The following FRMD5 variants were observed in gnomAD, a reference collection of about 807,000 sequenced individuals.
The protein encoded by FRMD5 is FERM domain containing 5.
A neutral mutation model predicts 69.0 loss-of-function variants in FRMD5; 20 were observed. The observed-to-expected ratio is 0.29, with a 90% CI of 0.20 to 0.42. The LOEUF (loss-of-function observed/expected upper bound fraction) is 0.42, where lower values mean the gene tolerates loss of function less well. Among genes scored for constraint, FRMD5 ranks in the 10% least tolerant of loss-of-function variants. The pLI, the probability that FRMD5 is intolerant of heterozygous loss-of-function variation, is 1.00. For missense variants in FRMD5, 595 were observed against 708.6 expected (o/e 0.84, Z 1.82); for synonymous variants, 271 against 260.1 (o/e 1.04, Z -0.40).
intron 1 of FRMD5, among the ~76,000 whole-genome samples, chr15:44,168,706 C>T (rs967538382): frequency 5.9e-5 from 9 of 152,190 alleles, no homozygotes; most frequent in African/African-American, 1.9e-4. Flanking sequence ...TATTTAGGGG[C>T]TAGGACAATT....
At chr15:44,027,896 G>A (rs939658708) in intron 1 of FRMD5, among the ~76,000 whole-genome samples, 15 of 151,836 alleles carry the variant, frequency 9.9e-5, no homozygotes, top group Admixed American at 4.6e-4. Flanking sequence ...TGCCCTCCTC[G>A]GCCTCCCAAA....
At chr15:43,908,260 G>A (rs573843713) in intron 5 of FRMD5, among the ~76,000 whole-genome samples, 1 of 149,886 alleles carries the variant, frequency 6.7e-6, no homozygotes, top group South Asian at 2.1e-4. Context: ...CCCAGGAGGT[G>A]GAGGTTGCAG....
intron 1 of FRMD5, among the ~76,000 whole-genome samples, chr15:44,183,174 C>T (rs191234096): frequency 6.6e-6 from 1 of 152,096 alleles, no homozygotes; most frequent in Admixed American, 6.6e-5. Flanking sequence ...AGGGAGTCTA[C>T]CCTGGAACAA....
At chr15:44,180,111 CACAGATGTA>C (rs1415577667) in intron 1 of FRMD5, among the ~76,000 whole-genome samples, 19 of 150,136 alleles carry the variant, frequency 1.3e-4, no homozygotes, top group Admixed American at 5.3e-4. Flanking sequence ...TCTGCAGTCA[CACAGATGTA>C]AGTTCAAATC....
At chr15:44,120,400 C>T (rs2615295) in intron 1 of FRMD5, among the ~76,000 whole-genome samples, 125,801 of 151,920 alleles carry the variant, frequency 0.83, 54,727 homozygotes, top group Non-Finnish European at 0.95. Context: ...AAGATAGAAC[C>T]GACAAAACAT....
intron 1 of FRMD5, among the ~76,000 whole-genome samples, chr15:44,177,695 A>T (rs1793340516): frequency 6.6e-6 from 1 of 152,228 alleles, no homozygotes; most frequent in Non-Finnish European, 1.5e-5. Flanking sequence ...TACACCTTAA[A>T]CAGATGAACT....
rs550499946 is a variant in FRMD5 at position 43,924,838 on chromosome 15, A to G, written c.103-529T>C. The stretch of plus-strand genomic sequence containing the variant: ...CCGCACAGCAATGAGGGTGTCCACA[A>G]TTTAGACATCATCTCTTTCTTGCTG... On this transcript the variant is annotated intron_variant, in intron 1 of 13. Coordinates refer to ENST00000417257, the MANE Select transcript of FRMD5 (RefSeq NM_032892.5). Among the ~76,000 whole-genome samples the G allele has an allele frequency of 4.6e-5, 7 of 152,226 alleles. No homozygotes were observed. The East Asian group carries it at 1.4e-3, about 29-fold the overall frequency.
At chr15:43,885,660 T>C (rs759334568) in intron 11 of FRMD5, 21 bp downstream of exon 11, 5 of 1,590,460 alleles carry the variant, frequency 3.1e-6, no homozygotes, top group Non-Finnish European at 3.5e-6. Flanking sequence ...TCCATAATGG[T>C]TACTTACTGT....
chr15:43,873,675 G>T lies in FRMD5; in HGVS notation c.*210C>A. On this transcript the variant is annotated 3_prime_UTR_variant, in exon 14 of 14. Transcript: ENST00000417257. The stretch of plus-strand genomic sequence containing the variant: ...AGCCTTTCTTGAAATAACTTCTGAA[G>T]AAAATGAGTTTTCCCAGTTTGTTTA... 6.7e-7 allele frequency: 1 copy of T among 1,501,886 alleles called. No individual in the cohort carries two copies. The highest frequency in any genetic ancestry group is 8.8e-7 in the Non-Finnish European group (1 of 1,135,366). 93.0% of individuals were successfully genotyped at this position (1,501,886 alleles called of 1,614,324 possible).
At chr15:43,923,330 T>C (rs1434421131) in intron 2 of FRMD5, among the ~76,000 whole-genome samples, 1 of 152,152 alleles carries the variant, frequency 6.6e-6, no homozygotes, top group Non-Finnish European at 1.5e-5. Flanking sequence ...AATGATGTAA[T>C]AAGTGCTATA....
intron 1 of FRMD5, chr15:44,194,623 C>G: frequency 2.5e-6 from 1 of 395,828 alleles, no homozygotes; most frequent in Non-Finnish European, 4.6e-6. Context: ...CTACCCGCCT[C>G]CCTCCGGGCG....
At chr15:44,064,098 G>T in intron 1 of FRMD5, 1 of 213,114 alleles carries the variant, frequency 4.7e-6, no homozygotes. Flanking sequence ...GGAAACTATG[G>T]CACAATGGCT....
At chr15:43,912,095 C>T (rs2089299305) in intron 4 of FRMD5, among the ~76,000 whole-genome samples, 1 of 152,114 alleles carries the variant, frequency 6.6e-6, no homozygotes, top group Admixed American at 6.5e-5. Context: ...CCACCTACAC[C>T]TTTTAACAAG....
chr15:43,875,144 C>T (rs767678526), intron 13 of FRMD5, among the ~76,000 whole-genome samples: 1 of 151,920 alleles, frequency 6.6e-6, no homozygotes, highest in Non-Finnish European at 1.5e-5. Context: ...TTATAGTTAG[C>T]AGAGATCGTG....
intron 1 of FRMD5, among the ~76,000 whole-genome samples, chr15:44,173,454 G>C (rs2077839084): frequency 6.6e-6 from 1 of 152,070 alleles, no homozygotes; most frequent in African/African-American, 2.4e-5. Flanking sequence ...CCAAAAATGA[G>C]AGACATAGGA....
chr15:43,890,091 C>T (rs763013560), intron 8 of FRMD5, among the ~76,000 whole-genome samples: 3 of 152,150 alleles, frequency 2.0e-5, no homozygotes, highest in Admixed American at 1.3e-4. Flanking sequence ...ACAAGTCACA[C>T]GGTATTCCTT....
chr15:43,904,789 T>C (rs754157311), intron 6 of FRMD5, among the ~76,000 whole-genome samples: 3 of 152,206 alleles, frequency 2.0e-5, no homozygotes, highest in Admixed American at 1.3e-4. Flanking sequence ...TCAGGCTTTG[T>C]AGAAAATCCT....
chr15:44,020,414 T>C (rs1038833860), intron 1 of FRMD5, among the ~76,000 whole-genome samples: 2 of 152,204 alleles, frequency 1.3e-5, no homozygotes, highest in African/African-American at 4.8e-5. Context: ...GCTAGGCACT[T>C]TTCTAGGTGC....
chr15:44,063,030 T>C (rs970900986), intron 1 of FRMD5, among the ~76,000 whole-genome samples: 3 of 152,234 alleles, frequency 2.0e-5, no homozygotes, highest in African/African-American at 7.2e-5. Flanking sequence ...AAACTTAAAA[T>C]CAATGACAGT....
Sources: gnomAD v4.1 joint callset for allele counts (sites outside exome capture counted in the v4.1 genomes callset) on GRCh38, gnomAD v4.1.1 for gene constraint, MANE v1.5 for transcripts, NCBI Gene and HGNC (gene_info 2026-07-23, HGNC 2026-07-21) for gene names.